Variants in TREM2 observed in about 807,000 individuals in gnomAD.
TREM2 encodes the protein triggering receptor expressed on myeloid cells 2.
TREM2 carries 20 observed loss-of-function variants against 22.9 expected under a neutral mutation model. That is an observed-to-expected ratio of 0.87 (90% CI 0.61 to 1.27). TREM2 has a LOEUF of 1.27. TREM2 is among the 50% of genes most tolerant of loss of function. TREM2 has a pLI of 0.00. For missense variants in TREM2, 267 were observed against 289.0 expected (o/e 0.92, Z 0.55); for synonymous variants, 111 against 120.9 (o/e 0.92, Z 0.54).
chr6:41,160,198 A>G (rs1765527457), intron 2 of TREM2, among the ~76,000 whole-genome samples: 2 of 152,190 alleles, frequency 1.3e-5, no homozygotes, highest in South Asian at 4.1e-4. Flanking sequence ...TCGTGGATGT[A>G]CTTGAAAATC....
Position 41,162,955 on chromosome 6 carries a change from A to G in TREM2, c.40+88T>C, listed in dbSNP as rs2234250. On this transcript the variant is annotated intron_variant, in intron 1 of 4. Coordinates refer to ENST00000373113, the MANE Select transcript of TREM2 (RefSeq NM_018965.4). ...ATGCGAGGACTGCCACCGCCTTCAT[A>G]ATTCACCCCAGGGCCCACCACCCGC... The G allele has an allele frequency of 4.0e-3, 6,331 of 1,581,948 alleles. 182 individuals carry two copies. The African/African-American group carries it at 0.066, about 16-fold the overall frequency.
At position 41,158,751 on chromosome 6, in the gene TREM2, C is replaced by T. The variant is rs2113876896; in HGVS notation, c.*13G>A. 1 of 1,614,202 alleles carries T rather than the reference C, an allele frequency of 6.2e-7. No homozygotes were observed. The highest frequency in any genetic ancestry group is 1.1e-5 in the South Asian group (1 of 91,080). The stretch of plus-strand genomic sequence containing the variant: ...TGGGACTTCTCCTGGGCTTTTCCTC[C>T]CATCATCTTCCTTCACGTGTCTCTC... On this transcript the variant is annotated 3_prime_UTR_variant, in exon 5 of 5. Coordinates refer to ENST00000373113, the MANE Select transcript of TREM2 (RefSeq NM_018965.4).
At chr6:41,159,758 G>A in intron 3 of TREM2, 34 bp downstream of exon 3, 1 of 1,600,746 alleles carries the variant, frequency 6.2e-7, no homozygotes, top group East Asian at 2.2e-5. Flanking sequence ...GTGGAAGTCT[G>A]CCCACGGGTT....
chr6:41,158,607 C>T lies in TREM2; in HGVS notation c.*157G>A, dbSNP rs1232354245. On this transcript the variant is annotated 3_prime_UTR_variant, in exon 5 of 5. Transcript: ENST00000373113. ...TCTTACCACCTCCCCACTCCCTCAA[C>T]CAGTCCCTGCTTCCAGGGTCCAGGA... The T allele has an allele frequency of 2.5e-5, 39 of 1,567,570 alleles. No homozygotes were observed. The highest frequency in any genetic ancestry group is 3.1e-5 in the Non-Finnish European group (36 of 1,155,284).
At chr6:41,158,848 T>A (rs1765485207) in intron 4 of TREM2, 25 bp downstream of exon 4, 2 of 1,614,070 alleles carry the variant, frequency 1.2e-6, no homozygotes. Context: ...AGTCCACCCT[T>A]GATGGCTGTG....
intron 1 of TREM2, among the ~76,000 whole-genome samples, chr6:41,162,641 C>T (rs529922086): frequency 6.6e-6 from 1 of 152,254 alleles, no homozygotes; most frequent in South Asian, 2.1e-4. Flanking sequence ...TGAACATCCT[C>T]AGGTTCTTTC....
Position 41,161,489 on chromosome 6 carries a change from T to C in TREM2, c.165A>G (p.Gly55=). The C allele has an allele frequency of 2.5e-6, 4 of 1,614,168 alleles. No homozygotes were observed. The highest frequency in any genetic ancestry group is 3.4e-6 in the Non-Finnish European group (4 of 1,180,036). The change falls in exon 2 of 5, where the codon GGA becomes GGG. Residue 55 remains glycine (G), a synonymous_variant. Coordinates refer to ENST00000373113, the MANE Select transcript of TREM2 (RefSeq NM_018965.4). ...CCACACGCTGGCATGGGCCCTTCTC[T>C]CCCAGCTGGCGGCACCAGGCCTTGC... ...GRRKAWCRQL[G]EKGPCQRVVS... is the part of the protein sequence containing the mutation.
At chr6:41,159,216 G>T in intron 3 of TREM2, 150 bp from the exon 4 acceptor site, 3 of 928,412 alleles carry the variant, frequency 3.2e-6, no homozygotes, top group Middle Eastern at 3.2e-4. Context: ...GGAGCTTTGG[G>T]AGCCCATAGT....
In TREM2 at chr6:41,161,674, G is replaced by T. The variant is rs968385256; in HGVS notation, c.41-61C>A. 6 of 1,437,958 alleles carry T rather than the reference G, an allele frequency of 4.2e-6. No individual in the cohort carries two copies. In the African/African-American group the frequency reaches 8.4e-5, roughly 20 times the overall value. The allele number at this position is 1,437,958 out of a possible 1,614,324, so 89.1% of individuals were successfully genotyped here. On this transcript the variant is annotated intron_variant, in intron 1 of 4. Transcript: ENST00000373113. Reference sequence around the variant, plus strand: ...CAAATACGCTTTGAACACTTGCTCTGTGCAGTGACCTAAACAGACAAAAAT... The same window carrying T: ...CAAATACGCTTTGAACACTTGCTCTTTGCAGTGACCTAAACAGACAAAAAT...
In TREM2 at chr6:41,161,854, C is replaced by T. The variant is rs1265846374; in HGVS notation, c.41-241G>A. 2.0e-5 allele frequency among the ~76,000 whole-genome samples: 3 copies of T among 152,140 alleles called. No individual in the cohort carries two copies. In the East Asian group the frequency reaches 5.8e-4, roughly 29 times the overall value. ...TCCTTGGAGAAGTAACTGACCTTCT[C>T]TGGGTCTATTCTGGAGGCACTTGGT... On this transcript the variant is annotated intron_variant, in intron 1 of 4. Coordinates refer to ENST00000373113, the MANE Select transcript of TREM2 (RefSeq NM_018965.4).
intron 3 of TREM2, 51 bp from the exon 4 acceptor site, chr6:41,159,117 G>C (rs1210653980): frequency 1.9e-6 from 3 of 1,572,206 alleles, no homozygotes; most frequent in East Asian, 4.6e-5. Context: ...CTACAGATTA[G>C]AATCTTCTCT....
chr6:41,161,694 A>G, intron 1 of TREM2, 81 bp from the exon 2 acceptor site: 1 of 1,236,136 alleles, frequency 8.1e-7, no homozygotes, highest in Non-Finnish European at 1.2e-6. Flanking sequence ...CTAAACAGAC[A>G]AAAATCCTGC....
intron 2 of TREM2, 115 bp downstream of exon 2, chr6:41,161,148 T>C (rs1561878614): frequency 4.2e-6 from 4 of 953,312 alleles, no homozygotes; most frequent in Non-Finnish European, 4.9e-6. Context: ...GATGAGACCA[T>C]ACGATGGGTT....
intron 1 of TREM2, 114 bp from the exon 2 acceptor site, chr6:41,161,727 T>C (rs1765572985): frequency 3.3e-6 from 3 of 916,624 alleles, no homozygotes; most frequent in East Asian, 2.6e-5. Flanking sequence ...TAGGTTCTTA[T>C]ACAAGTTGGG....
chr6:41,161,400 G>A lies in TREM2; in HGVS notation c.254C>T (p.Thr85Ile), dbSNP rs368255898. 27 of 1,614,268 alleles carry A rather than the reference G, an allele frequency of 1.7e-5. No homozygotes were observed. The highest frequency in any genetic ancestry group is 2.2e-5 in the Non-Finnish European group (26 of 1,180,048). ...GAGAGTGCCACCCAGGGTATCGTCT[G>A]TGATGGCTGTGCTCCCATTCCACCT... ...LRRWNGSTAI[T>I]DDTLGGTLTI... Residue 85 changes from threonine (T) to isoleucine (I), a missense_variant, in exon 2 of 5, where the codon ACA (threonine) becomes ATA (isoleucine). Thr to Ile is a moderately conservative substitution (Grantham distance 89, BLOSUM62 -1). Coordinates refer to ENST00000373113, the MANE Select transcript of TREM2 (RefSeq NM_018965.4).
Position 41,158,762 on chromosome 6 carries a change from C to T in TREM2, c.*2G>A, listed in dbSNP as rs1296579106. ...CTGGGCTTTTCCTCCCATCATCTTC[C>T]TTCACGTGTCTCTCAGCCCTGCAAT... On this transcript the variant is annotated 3_prime_UTR_variant, in exon 5 of 5. Transcript: ENST00000373113. 17 of 1,614,116 alleles carry T rather than the reference C, an allele frequency of 1.1e-5. No individual in the cohort carries two copies. Among genetic ancestry groups the T allele is most frequent in the Admixed American group, 1.7e-5 (1 of 60,006 alleles).
chr6:41,162,931 T>G, intron 1 of TREM2, 112 bp downstream of exon 1: 1 of 1,403,334 alleles, frequency 7.1e-7, no homozygotes, highest in East Asian at 2.3e-5. Flanking sequence ...CACTCAGGCA[T>G]GCGAGGACTG....
At position 41,159,881 on chromosome 6, in the gene TREM2, G is replaced by T. The variant is rs139607688; in HGVS notation, c.393C>A (p.Asp131Glu). The T allele has an allele frequency of 2.8e-5, 45 of 1,613,596 alleles. No homozygotes were observed. In the South Asian group the frequency reaches 4.5e-4, roughly 16 times the overall value. Residue 131 changes from aspartate (D) to glutamate (E), a missense_variant and splice_region_variant, in exon 3 of 5, where the codon GAC becomes GAA. Coordinates refer to ENST00000373113, the MANE Select transcript of TREM2 (RefSeq NM_018965.4). Reference sequence around the variant, plus strand: ...CTCCAGCATCCCGGTGATCCAGGGGGTCTATGGGAGGCAGAGCCATGAGCC... The same window carrying T: ...CTCCAGCATCCCGGTGATCCAGGGGTTCTATGGGAGGCAGAGCCATGAGCC... ...LRKVLVEVLADPLDHRDAGDL... is the reference protein window; with the variant it reads ...LRKVLVEVLAEPLDHRDAGDL...
In TREM2 at chr6:41,161,378, A is replaced by C; in HGVS notation, c.276T>G (p.Thr92=). 1 of 1,614,226 alleles carries C rather than the reference A, an allele frequency of 6.2e-7. No homozygotes were observed. Among genetic ancestry groups the C allele is most frequent in the Non-Finnish European group, 8.5e-7 (1 of 1,180,036 alleles). Residue 92 remains threonine (T), a synonymous_variant, in exon 2 of 5, where the codon ACT becomes ACG. Transcript: ENST00000373113. ...GTAGATTCCGCAGCGTAATGGTGAG[A>C]GTGCCACCCAGGGTATCGTCTGTGA... ...TAITDDTLGG[T]LTITLRNLQP...
Sources: gnomAD v4.1 joint callset for allele counts (sites outside exome capture counted in the v4.1 genomes callset) on GRCh38, gnomAD v4.1.1 for gene constraint, MANE v1.5 for transcripts, NCBI Gene and HGNC (gene_info 2026-07-23, HGNC 2026-07-21) for gene names.